Variants in TNRC18 observed in about 807,000 individuals in gnomAD.
TNRC18 encodes trinucleotide repeat containing 18, also known as trinucleotide repeat-containing gene 18 protein.
A neutral mutation model predicts 226.7 loss-of-function variants in TNRC18; 69 were observed. That is an observed-to-expected ratio of 0.30 (90% CI 0.25 to 0.37). TNRC18 has a LOEUF of 0.37. Among genes scored for constraint, TNRC18 ranks in the 10% least tolerant of loss-of-function variants. TNRC18 has a pLI of 1.00. For missense variants in TNRC18, 4,754 were observed against 4,256.6 expected, an observed-to-expected ratio of 1.12 and a Z score of -3.25; for synonymous variants, 2,449 against 1,927.6, an observed-to-expected ratio of 1.27 and a Z score of -7.09.
At chr7:5,332,386 T>A (rs1268133182) in intron 19 of TNRC18, among the ~76,000 whole-genome samples, 2 of 152,168 alleles carry the variant, frequency 1.3e-5, no homozygotes, top group Non-Finnish European at 2.9e-5. Context: ...TGAGCCATGA[T>A]CAGGCCACTG....
At chr7:5,322,189 A>C (rs1788444297) in intron 21 of TNRC18, among the ~76,000 whole-genome samples, 2 of 151,848 alleles carry the variant, frequency 1.3e-5, no homozygotes, top group Admixed American at 6.6e-5. Context: ...GAGGCAAAAG[A>C]ATTGCTTGAA....
Position 5,313,476 on chromosome 7 carries a change from G to A in TNRC18, c.7415C>T (p.Pro2472Leu). The A allele has an allele frequency of 1.9e-6, 3 of 1,613,252 alleles. No individual in the cohort carries two copies. The highest frequency in any genetic ancestry group is 2.2e-5 in the South Asian group (2 of 91,048). Residue 2472 changes from proline (P) to leucine (L), a missense_variant, in exon 27 of 30, where the codon CCC becomes CTC. By Grantham distance (98) the Pro-to-Leu change is moderately conservative. Transcript: ENST00000430969. ...GGCCTCTTTAGCCTTCTTGCTTTTG[G>A]GTGACGTGACACCCTCGTGGTCCAG... is the stretch of plus-strand genomic sequence containing the variant. ...VKLDHEGVTS[P>L]KSKKAKEALL...
intron 2 of TNRC18, among the ~76,000 whole-genome samples, chr7:5,409,329 T>C (rs1410847780): frequency 6.6e-6 from 1 of 151,872 alleles, no homozygotes; most frequent in Non-Finnish European, 1.5e-5. Context: ...AATTAATGTA[T>C]GCATGAAACA....
chr7:5,341,847 C>T lies in TNRC18; in HGVS notation c.5719+3715G>A, dbSNP rs114985721. Among the ~76,000 whole-genome samples the T allele has an allele frequency of 9.5e-3, 1,436 of 151,638 alleles. 26 individuals are homozygous for T. Among genetic ancestry groups the T allele is most frequent in the African/African-American group, 0.033 (1,369 of 41,302 alleles). On this transcript the variant is annotated intron_variant, in intron 18 of 29. Transcript: ENST00000430969. Reference sequence around the variant, plus strand: ...AGCATGATTTACTGAATATTTTAAGCCTGCTGTTGAGACCTATTGTTCACA... The same window carrying T: ...AGCATGATTTACTGAATATTTTAAGTCTGCTGTTGAGACCTATTGTTCACA...
chr7:5,360,994 G>A (rs772145508), intron 14 of TNRC18, among the ~76,000 whole-genome samples: 4 of 152,084 alleles, frequency 2.6e-5, no homozygotes, highest in South Asian at 2.1e-4. Flanking sequence ...GCCCCTTTCC[G>A]ATCGTGCTAC....
Position 5,377,868 on chromosome 7 carries a change from C to T in TNRC18, c.2255+54G>A, listed in dbSNP as rs1779114229. 1.6e-5 allele frequency: 25 copies of T among 1,554,806 alleles called. No individual in the cohort carries two copies. Among genetic ancestry groups the T allele is most frequent in the Non-Finnish European group, 2.0e-5 (23 of 1,129,042 alleles). On this transcript the variant is annotated intron_variant, in intron 6 of 29. Coordinates refer to ENST00000430969, the MANE Select transcript of TNRC18 (RefSeq NM_001080495.3). The surrounding 1 kb of genome is among the most constrained non-coding windows in gnomAD (Gnocchi z 5.8). ...CTGGGGTCATCCAGCTGCCCCTCAC[C>T]CCCAGGGGCTCCTAGATACCCCCTA...
At chr7:5,365,681 T>C (rs895121377) in intron 11 of TNRC18, among the ~76,000 whole-genome samples, 3 of 152,062 alleles carry the variant, frequency 2.0e-5, no homozygotes, top group African/African-American at 7.2e-5. Flanking sequence ...CTTAAACTCC[T>C]GGGCACAAGC....
chr7:5,397,664 TCCCGCCTGGCCCGTCA>T (rs1299834778), intron 2 of TNRC18, among the ~76,000 whole-genome samples: 1 of 152,088 alleles, frequency 6.6e-6, no homozygotes, highest in African/African-American at 2.4e-5. Flanking sequence ...CCTGCCCCTT[TCCCGCCTGGCCCGTCA>T]GGCACGAACT....
chr7:5,361,652 C>A lies in TNRC18; in HGVS notation c.4603G>T (p.Ala1535Ser), dbSNP rs772608160. 6.4e-7 allele frequency: 1 copy of A among 1,559,008 alleles called. No individual in the cohort carries two copies. Among genetic ancestry groups the A allele is most frequent in the Non-Finnish European group, 8.7e-7 (1 of 1,153,122 alleles). Residue 1535 changes from alanine (A) to serine (S), a missense_variant, in exon 14 of 30, where the codon GCC becomes TCC. Physicochemically the swap from Ala to Ser is moderately conservative, Grantham distance 99. Coordinates refer to ENST00000430969, the MANE Select transcript of TNRC18 (RefSeq NM_001080495.3). ...GPGRPRKRTH[A>S]PSALSPPRKR... ...CGGGGGGGCGACAGGGCGCTCGGGG[C>A]GTGGGTCCGTTTCCGCGGCCTGCCA... is the stretch of plus-strand genomic sequence containing the variant.
At chr7:5,356,687 C>A (rs1489210689) in intron 16 of TNRC18, among the ~76,000 whole-genome samples, 2 of 152,172 alleles carry the variant, frequency 1.3e-5, no homozygotes, top group Non-Finnish European at 2.9e-5. Flanking sequence ...ATCACAAGCA[C>A]CTGCCTGGCA....
At chr7:5,362,960 C>A in intron 11 of TNRC18, 135 bp from the exon 12 acceptor site, 1 of 874,608 alleles carries the variant, frequency 1.1e-6, no homozygotes, top group Non-Finnish European at 1.6e-6. Context: ...TAGACAGAGG[C>A]CTTTGTGACA....
chr7:5,400,277 T>C (rs1038780178), intron 2 of TNRC18, among the ~76,000 whole-genome samples: 4 of 152,082 alleles, frequency 2.6e-5, no homozygotes, highest in Admixed American at 6.6e-5. Flanking sequence ...TCAGAGTCCG[T>C]GTCTGCTTCT....
intron 18 of TNRC18, among the ~76,000 whole-genome samples, chr7:5,342,428 C>CA (rs557401325): frequency 0.011 from 989 of 86,172 alleles, 13 homozygotes; most frequent in Admixed American, 0.064. Context: ...GACTCAGTCT[C>CA]AAAAAAAAAA....
intron 2 of TNRC18, among the ~76,000 whole-genome samples, chr7:5,396,008 A>G (rs989492699): frequency 6.7e-6 from 1 of 149,144 alleles, no homozygotes; most frequent in African/African-American, 2.5e-5. Flanking sequence ...AAAAAAAAAA[A>G]AAAATGCTAA....
In TNRC18 at chr7:5,312,921, G is replaced by A. The variant is rs753212093; in HGVS notation, c.7970C>T (p.Ser2657Phe). The change falls in exon 27 of 30, where the codon TCC (serine) becomes TTC (phenylalanine). Residue 2657 changes from serine to phenylalanine, a missense_variant. By Grantham distance (155) the Ser-to-Phe change is radical. Transcript: ENST00000430969. This position sits in a 1 kb window ranked among gnomAD's most constrained non-coding sequence, Gnocchi z 6.3. ...SSSSSSSSSS[S>F]SSSSSSSSSS... ...AGAGGAGGAGGAGGAGGAGGATGAG[G>A]ACGAGGAAGAGGAGGAGGAGGAAGA... The A allele has an allele frequency of 1.3e-6, 2 of 1,492,726 alleles. No homozygotes were observed. Among genetic ancestry groups the A allele is most frequent in the African/African-American group, 1.4e-5 (1 of 72,288 alleles). The allele number at this position is 1,492,726 out of a possible 1,614,324, so 92.5% of individuals were successfully genotyped here.
chr7:5,350,143 G>A (rs1791634981), intron 17 of TNRC18, among the ~76,000 whole-genome samples: 2 of 152,104 alleles, frequency 1.3e-5, no homozygotes, highest in African/African-American at 4.8e-5. Flanking sequence ...GAGGAGGCCG[G>A]GGAGGGAGAA....
At chr7:5,362,577 G>A (rs1400975009) in intron 12 of TNRC18, 73 bp downstream of exon 12, 5 of 1,380,232 alleles carry the variant, frequency 3.6e-6, no homozygotes, top group Admixed American at 5.5e-5. Context: ...CCAGGCAGTA[G>A]GGCACCTCCA....
At position 5,374,305 on chromosome 7, in the gene TNRC18, T is replaced by G; in HGVS notation, c.2979A>C (p.Pro993=). Residue 993 remains proline, a synonymous_variant, in exon 10 of 30, where the codon CCA becomes CCC. Transcript: ENST00000430969. ...AGTYGKAVSP[P]PSPRASPVAA... ...CCACAGGGGATGCGCGGGGTGATGG[T>G]GGCGGGCTCACGGCCTTGCCGTAGG... The G allele has an allele frequency of 6.9e-7, 1 of 1,447,434 alleles. No homozygotes were observed. The highest frequency in any genetic ancestry group is 9.1e-7 in the Non-Finnish European group (1 of 1,104,936). 89.7% of individuals were successfully genotyped at this position (1,447,434 alleles called of 1,614,324 possible).
intron 2 of TNRC18, among the ~76,000 whole-genome samples, chr7:5,419,279 G>A (rs1782387809): frequency 6.6e-6 from 1 of 152,236 alleles, no homozygotes; most frequent in Non-Finnish European, 1.5e-5. Context: ...TCGCATTAGG[G>A]CACTTTGCCT....
Sources: allele counts gnomAD v4.1 joint callset (sites outside exome capture counted in the v4.1 genomes callset), GRCh38; gene constraint gnomAD v4.1.1; non-coding constraint Gnocchi (gnomAD v3.1); transcripts MANE v1.5; gene names NCBI Gene and HGNC (gene_info 2026-07-23, HGNC 2026-07-21).